The following CDH18 variants were observed in gnomAD, a reference collection of about 807,000 sequenced individuals.
CDH18 encodes cadherin-18.
A neutral mutation model predicts 67.9 loss-of-function variants in CDH18; 31 were observed. That is an observed-to-expected ratio of 0.46 (90% CI 0.34 to 0.62). CDH18 has a LOEUF of 0.62. Ranked by LOEUF, CDH18 falls within the 20% of genes least tolerant of loss-of-function variation. The pLI is 0.01. For missense variants in CDH18, 890 were observed against 975.5 expected (o/e 0.91, Z 1.17); for synonymous variants, 362 against 347.2 (o/e 1.04, Z -0.48).
chr5:20,004,734 T>C (rs939899731), intron 2 of CDH18, among the ~76,000 whole-genome samples: 1 of 152,302 alleles, frequency 6.6e-6, no homozygotes, highest in East Asian at 1.9e-4. Flanking sequence ...ACAGAACACA[T>C]TGTTGATAAA....
chr5:20,257,969 T>C (rs1479376687), intron 1 of CDH18, among the ~76,000 whole-genome samples: 1 of 151,110 alleles, frequency 6.6e-6, no homozygotes, highest in Non-Finnish European at 1.5e-5. Flanking sequence ...GTACAAAATG[T>C]ATTCTCATTT....
At chr5:19,759,677 A>G (rs2149699312) in intron 3 of CDH18, among the ~76,000 whole-genome samples, 1 of 152,326 alleles carries the variant, frequency 6.6e-6, no homozygotes, top group East Asian at 1.9e-4. Flanking sequence ...AGTGTCCAGT[A>G]GTCCCTGAAA....
At chr5:19,966,218 G>A (rs893221380) in intron 2 of CDH18, among the ~76,000 whole-genome samples, 6 of 152,084 alleles carry the variant, frequency 3.9e-5, no homozygotes, top group Non-Finnish European at 5.9e-5. Context: ...GCTTATTTCT[G>A]GACAGCTGTT....
At chr5:20,306,879 T>TTAC (rs10692020) in intron 1 of CDH18, among the ~76,000 whole-genome samples, 2 of 151,718 alleles carry the variant, frequency 1.3e-5, no homozygotes, top group Non-Finnish European at 2.9e-5. Context: ...CATGTGATAA[T>TTAC]TTATTATGGT....
chr5:19,996,096 T>G (rs1735997473), intron 2 of CDH18, among the ~76,000 whole-genome samples: 1 of 152,136 alleles, frequency 6.6e-6, no homozygotes, highest in Non-Finnish European at 1.5e-5. Context: ...AACTTAAGGT[T>G]GACCAAATCA....
At chr5:19,621,508 T>C (rs1413894804) in intron 5 of CDH18, among the ~76,000 whole-genome samples, 1 of 152,174 alleles carries the variant, frequency 6.6e-6, no homozygotes, top group Non-Finnish European at 1.5e-5. Context: ...TAGAGATACC[T>C]GCACTCCTAT....
intron 2 of CDH18, among the ~76,000 whole-genome samples, chr5:20,198,625 G>C (rs941675176): frequency 2.6e-5 from 4 of 152,186 alleles, no homozygotes; most frequent in Non-Finnish European, 5.9e-5. Context: ...ATGCAAGCCT[G>C]CTGCAGAAAT....
chr5:19,854,499 C>T (rs973411263), intron 2 of CDH18, among the ~76,000 whole-genome samples: 3 of 151,990 alleles, frequency 2.0e-5, no homozygotes, highest in African/African-American at 4.8e-5. Flanking sequence ...TCATGAAGAA[C>T]AATTTTTATA....
intron 2 of CDH18, among the ~76,000 whole-genome samples, chr5:20,242,620 A>ATG (rs1743043103): frequency 1.5e-5 from 1 of 68,880 alleles, no homozygotes; most frequent in African/African-American, 6.5e-5. Context: ...AAATATATAT[A>ATG]TATATATATA....
chr5:19,944,764 C>A (rs1795136665), intron 2 of CDH18, among the ~76,000 whole-genome samples: 1 of 152,138 alleles, frequency 6.6e-6, no homozygotes, highest in Non-Finnish European at 1.5e-5. Flanking sequence ...GTAGCTCCCT[C>A]TAACTTTAAC....
chr5:20,352,363 C>A (rs1741250956), intron 1 of CDH18, among the ~76,000 whole-genome samples: 1 of 151,870 alleles, frequency 6.6e-6, no homozygotes. Flanking sequence ...TACAGTTATT[C>A]TGGGGGGAAG....
chr5:20,142,772 T>G (rs1210993203), intron 2 of CDH18, among the ~76,000 whole-genome samples: 1 of 152,014 alleles, frequency 6.6e-6, no homozygotes, highest in Non-Finnish European at 1.5e-5. Context: ...TTTGGGTAAA[T>G]GTGGAACAGA....
At chr5:20,103,540 A>G (rs543741202) in intron 2 of CDH18, among the ~76,000 whole-genome samples, 3 of 149,522 alleles carry the variant, frequency 2.0e-5, no homozygotes, top group African/African-American at 7.4e-5. Context: ...CTTGGCCAAC[A>G]TAGTGAAACC....
intron 4 of CDH18, among the ~76,000 whole-genome samples, chr5:19,745,582 C>G (rs1561208140): frequency 1.3e-5 from 2 of 152,130 alleles, no homozygotes; most frequent in African/African-American, 2.4e-5. Context: ...TCCTTGAGTT[C>G]CCATGCAAAC....
intron 3 of CDH18, among the ~76,000 whole-genome samples, chr5:19,792,022 C>T (rs1776412121): frequency 1.3e-5 from 2 of 152,080 alleles, no homozygotes; most frequent in Admixed American, 6.6e-5. Flanking sequence ...TAAGCAGTAA[C>T]CTGTTAGGTT....
At chr5:20,535,593 C>T (rs10065518) in intron 1 of CDH18, among the ~76,000 whole-genome samples, 48,489 of 151,878 alleles carry the variant, frequency 0.32, 9,305 homozygotes, top group African/African-American at 0.53. Flanking sequence ...GAGGGTATTG[C>T]TCTGCCTATC....
intron 2 of CDH18, among the ~76,000 whole-genome samples, chr5:20,172,563 T>C (rs1034783475): frequency 5.3e-5 from 8 of 151,892 alleles, no homozygotes; most frequent in African/African-American, 1.9e-4. Flanking sequence ...ACTCAGTTAT[T>C]GAATAAGTTC....
intron 2 of CDH18, among the ~76,000 whole-genome samples, chr5:20,133,421 A>G (rs907411060): frequency 6.6e-6 from 1 of 152,116 alleles, no homozygotes; most frequent in African/African-American, 2.4e-5. Flanking sequence ...CCATGGGAAA[A>G]AACCTCCTCC....
At chr5:20,209,079 T>G (rs372662892) in intron 2 of CDH18, among the ~76,000 whole-genome samples, 189 of 152,056 alleles carry the variant, frequency 1.2e-3, no homozygotes, top group African/African-American at 4.2e-3. Context: ...AAACACTTCA[T>G]TAAAAAGACG....
Sources: gnomAD v4.1 joint callset for allele counts (sites outside exome capture counted in the v4.1 genomes callset) on GRCh38, gnomAD v4.1.1 for gene constraint, MANE v1.5 for transcripts, NCBI Gene and HGNC (gene_info 2026-07-23, HGNC 2026-07-21) for gene names.